The following MDM4 variants were observed in gnomAD, a reference collection of about 807,000 sequenced individuals.
MDM4 encodes MDM4 regulator of p53.
MDM4 carries 2 observed loss-of-function variants against 60.2 expected under a neutral mutation model. The observed-to-expected ratio is 0.03, with a 90% CI of 0.01 to 0.10. The LOEUF is 0.10. Among genes scored for constraint, MDM4 ranks in the 10% least tolerant of loss-of-function variants. The pLI, the probability that MDM4 is intolerant of heterozygous loss-of-function variation, is 1.00. For missense variants in MDM4, 447 were observed against 577.5 expected, an observed-to-expected ratio of 0.77 and a Z score of 2.32; for synonymous variants, 202 against 198.1, an observed-to-expected ratio of 1.02 and a Z score of -0.17.
intron 6 of MDM4, chr1:204,537,808 G>T: frequency 1.6e-6 from 1 of 627,194 alleles, no homozygotes; most frequent in Non-Finnish European, 3.0e-6. Flanking sequence ...TAATAGGCGT[G>T]TTGCAGTTAA....
chr1:204,546,847 T>G lies in MDM4; in HGVS notation c.873T>G (p.Ser291Arg). The G allele has an allele frequency of 6.2e-7, 1 of 1,613,038 alleles. No homozygotes were observed. Among genetic ancestry groups the G allele is most frequent in the East Asian group, 2.2e-5 (1 of 44,854 alleles). Residue 291 changes from serine to arginine, a missense_variant, in exon 10 of 11, where the codon AGT becomes AGG. Ser to Arg is a moderately radical substitution (Grantham distance 110). Transcript: ENST00000367182. The stretch of plus-strand genomic sequence containing the variant: ...ACCTGGAGGACTCTAAGTCCTTAAG[T>G]GATGATACCGATGTAGAGGTTACCT... ...NDDLEDSKSL[S>R]DDTDVEVTSE...
intron 1 of MDM4, among the ~76,000 whole-genome samples, chr1:204,517,271 T>TG (rs1659078948): frequency 6.6e-6 from 1 of 151,900 alleles, no homozygotes; most frequent in African/African-American, 2.4e-5. Context: ...ATGTTCGTTT[T>TG]GGGGCCACAC....
At position 204,528,710 on chromosome 1, in the gene MDM4, A is replaced by T. The variant is rs1340617236; in HGVS notation, c.154-1974A>T. On this transcript the variant is annotated intron_variant, in intron 3 of 10. Transcript: ENST00000367182. ...TGCAGGACTCTCAACCCTCTTTTGG[A>T]ACAGTGTTGCATCAAGCAAGGGAGA... 7.9e-6 allele frequency: 5 copies of T among 629,852 alleles called. No homozygotes were observed. In the East Asian group the frequency reaches 1.1e-4, roughly 14 times the overall value. The allele number at this position is 629,852 out of a possible 1,614,324, so 39.0% of individuals were successfully genotyped here.
chr1:204,549,043 G>T, intron 10 of MDM4, 70 bp from the exon 11 acceptor site: 1 of 945,312 alleles, frequency 1.1e-6, no homozygotes, highest in South Asian at 1.6e-5. Context: ...GAATGAATTT[G>T]ACCTCCTTTC....
intron 8 of MDM4, among the ~76,000 whole-genome samples, chr1:204,543,219 A>G (rs1446816683): frequency 6.6e-6 from 1 of 152,210 alleles, no homozygotes; most frequent in Non-Finnish European, 1.5e-5. Context: ...GGCTGTGCGT[A>G]GTGGCTCATG....
Position 204,530,752 on chromosome 1 carries a change from A to G in MDM4, c.222A>G (p.Val74=). 1.2e-6 allele frequency: 2 copies of G among 1,614,198 alleles called. No individual in the cohort carries two copies. Among genetic ancestry groups the G allele is most frequent in the Non-Finnish European group, 1.7e-6 (2 of 1,180,034 alleles). The change falls in exon 4 of 11, where the codon GTA becomes GTG. Residue 74 remains valine (V), a synonymous_variant. Transcript: ENST00000367182. ...ATGATCAGCAGGAGCAGCATATGGT[A>G]TATTGTGGTGGAGATCTTTTGGGAG... ...QLYDQQEQHM[V]YCGGDLLGEL...
At chr1:204,541,377 G>C (rs1213834730) in intron 7 of MDM4, among the ~76,000 whole-genome samples, 2 of 152,176 alleles carry the variant, frequency 1.3e-5, no homozygotes, top group Admixed American at 6.5e-5. Context: ...TGAGATGGAA[G>C]GATCACTTGA....
chr1:204,528,106 T>C (rs1193567326), intron 3 of MDM4, among the ~76,000 whole-genome samples: 1 of 152,008 alleles, frequency 6.6e-6, no homozygotes, highest in Non-Finnish European at 1.5e-5. Context: ...TTTATCCTTT[T>C]ATTGAAGCTT....
At position 204,542,898 on chromosome 1, in the gene MDM4, A is replaced by T; in HGVS notation, c.626A>T (p.Asn209Ile). Residue 209 changes from asparagine to isoleucine, a missense_variant, in exon 8 of 11, where the codon AAC (asparagine) becomes ATC (isoleucine). This residue lies in a region of MDM4 where 184 missense variants were observed against 179.3 expected (regional missense o/e 1.03). Coordinates refer to ENST00000367182, the MANE Select transcript of MDM4 (RefSeq NM_002393.5). ...PWWFLGNLRS[N>I]YTPRSNGSTD... The stretch of plus-strand genomic sequence containing the variant: ...TGGTTTTTAGGAAACTTGAGAAGCA[A>T]CTATACACCTAGAAGTAATGGCTCA... The T allele has an allele frequency of 6.2e-7, 1 of 1,614,088 alleles. No individual in the cohort carries two copies. Among genetic ancestry groups the T allele is most frequent in the Non-Finnish European group, 8.5e-7 (1 of 1,179,942 alleles).
chr1:204,521,370 G>T (rs557115981), intron 1 of MDM4, among the ~76,000 whole-genome samples: 1 of 152,312 alleles, frequency 6.6e-6, no homozygotes, highest in Admixed American at 6.5e-5. Flanking sequence ...GTGCAGCTGA[G>T]GCTGGAACGT....
intron 10 of MDM4, among the ~76,000 whole-genome samples, chr1:204,548,403 T>C (rs553481933): frequency 6.6e-6 from 1 of 152,256 alleles, no homozygotes; most frequent in Non-Finnish European, 1.5e-5. Context: ...GTTCAGCTTA[T>C]GTCAAATCAA....
chr1:204,532,293 A>G (rs367561648), intron 5 of MDM4, 47 bp downstream of exon 5: 21 of 1,223,394 alleles, frequency 1.7e-5, no homozygotes, highest in Non-Finnish European at 2.4e-5. Context: ...CTTTGAGTTC[A>G]AGGGGGCAAA....
In MDM4 at chr1:204,539,522, TTTTTTTG is replaced by T. The variant is rs1375415141; in HGVS notation, c.511+1219_511+1225del. Among the ~76,000 whole-genome samples, 4 of 148,328 alleles carry T rather than the reference TTTTTTTG, an allele frequency of 2.7e-5. No homozygotes were observed. In the Admixed American group the frequency reaches 2.7e-4, roughly 10 times the overall value. ...ATCCAAAATCTGAAAACTTGTTTTT[TTTTTTTG>T]TTTTGTTTTGTTTTTTTTTTTTTGA... On this transcript the variant is annotated intron_variant, in intron 7 of 10. Transcript: ENST00000367182.
intron 3 of MDM4, chr1:204,529,635 G>T: frequency 2.0e-6 from 2 of 997,462 alleles, no homozygotes; most frequent in South Asian, 1.8e-5. Flanking sequence ...CTACCCGGAG[G>T]GGTTCCTGGC....
intron 9 of MDM4, among the ~76,000 whole-genome samples, chr1:204,545,693 T>A (rs926783114): frequency 6.6e-6 from 1 of 152,148 alleles, no homozygotes; most frequent in Non-Finnish European, 1.5e-5. Flanking sequence ...ATTTGGAAAC[T>A]TTTATTTATT....
intron 7 of MDM4, among the ~76,000 whole-genome samples, chr1:204,539,768 T>A (rs1028072153): frequency 6.6e-6 from 1 of 151,218 alleles, no homozygotes; most frequent in African/African-American, 2.4e-5. Flanking sequence ...TGTCATGACC[T>A]CGTGATCCAC....
rs748478286 is a variant in MDM4 at position 204,542,896 on chromosome 1, C to T, written c.624C>T (p.Ser208=). The part of the protein sequence containing the change: ...LPWWFLGNLR[S]NYTPRSNGST... ...GGTGGTTTTTAGGAAACTTGAGAAG[C>T]AACTATACACCTAGAAGTAATGGCT... Residue 208 remains serine, a synonymous_variant, in exon 8 of 11, where the codon AGC becomes AGT. Transcript: ENST00000367182. 1.2e-6 allele frequency: 2 copies of T among 1,614,032 alleles called. No individual in the cohort carries two copies. Among genetic ancestry groups the T allele is most frequent in the Admixed American group, 3.3e-5 (2 of 60,012 alleles).
At chr1:204,517,466 C>T (rs562805526) in intron 1 of MDM4, among the ~76,000 whole-genome samples, 4 of 151,902 alleles carry the variant, frequency 2.6e-5, no homozygotes, top group African/African-American at 9.7e-5. Flanking sequence ...TGCAGTGGCG[C>T]GATCTTGGCT....
At chr1:204,525,376 T>C in intron 1 of MDM4, 108 bp from the exon 2 acceptor site, 11 of 1,432,360 alleles carry the variant, frequency 7.7e-6, no homozygotes, top group Non-Finnish European at 9.1e-6. Flanking sequence ...GGTGCTCCAT[T>C]ATATGTGTCA....
Sources: allele counts gnomAD v4.1 joint callset (sites outside exome capture counted in the v4.1 genomes callset), GRCh38; gene constraint gnomAD v4.1.1; regional missense constraint gnomAD v4.1.1; transcripts MANE v1.5; gene names NCBI Gene and HGNC (gene_info 2026-07-23, HGNC 2026-07-21).